MAP7D1: variants seen among roughly 807,000 people sequenced by gnomAD.
The protein encoded by MAP7D1 is MAP7 domain containing 1.
In MAP7D1, 30 loss-of-function variants were observed where a neutral mutation model predicts 97.5. The observed-to-expected ratio is 0.31, with a 90% CI of 0.23 to 0.42. The LOEUF (loss-of-function observed/expected upper bound fraction) is 0.42. Ranked by LOEUF, MAP7D1 falls within the 10% of genes least tolerant of loss-of-function variation. The pLI, the probability that MAP7D1 is intolerant of heterozygous loss-of-function variation, is 1.00. For missense variants in MAP7D1, 1,184 were observed against 1,179.5 expected, an observed-to-expected ratio of 1.00 and a Z score of -0.06; for synonymous variants, 536 against 477.1, an observed-to-expected ratio of 1.12 and a Z score of -1.61.
Position 36,172,523 on chromosome 1 carries a change from C to G in MAP7D1, c.520C>G (p.Gln174Glu). Residue 174 changes from glutamine to glutamate, a missense_variant, in exon 4 of 17, where the codon CAG (glutamine) becomes GAG (glutamate). By Grantham distance (29) the Gln-to-Glu change is conservative. Coordinates refer to ENST00000474796, the MANE Select transcript of MAP7D1 (RefSeq NM_001388490.1). ...GAAGGCCAAGGCGCTGCGGGAGAAG[C>G]AGCTCCAGGAGCGCCGGCGCCGGCT... Reference protein sequence around the residue: ...EEKAKALREKQLQERRRRLEE... With the variant: ...EEKAKALREKELQERRRRLEE... 1.2e-6 allele frequency: 2 copies of G among 1,602,488 alleles called. No homozygotes were observed. The highest frequency in any genetic ancestry group is 4.5e-5 in the East Asian group (2 of 44,542).
chr1:36,172,865 C>G (rs1489338190), intron 4 of MAP7D1, among the ~76,000 whole-genome samples: 3 of 152,356 alleles, frequency 2.0e-5, no homozygotes, highest in South Asian at 2.1e-4. Flanking sequence ...CTGTCAGTAC[C>G]TGTGTTCGTA....
At chr1:36,173,310 AAT>A (rs915626890) in intron 4 of MAP7D1, 52 bp from the exon 5 acceptor site, 23 of 1,413,670 alleles carry the variant, frequency 1.6e-5, no homozygotes, top group Non-Finnish European at 2.3e-5. Context: ...CTCTATCCCA[AAT>A]TCGATGAATG....
At position 36,172,281 on chromosome 1, in the gene MAP7D1, T is replaced by C. The variant is rs980326446; in HGVS notation, c.461-183T>C. On this transcript the variant is annotated intron_variant, in intron 3 of 16. Transcript: ENST00000474796. ...GGAGGAGAAATAGGCCTCTCCTGAGTCCTGTCTTCAGTAAGCCTCTCAATT... is the reference window on the plus strand; with the variant it reads ...GGAGGAGAAATAGGCCTCTCCTGAGCCCTGTCTTCAGTAAGCCTCTCAATT... 1.3e-5 allele frequency: 7 copies of C among 519,618 alleles called. No homozygotes were observed. In the Admixed American group the frequency reaches 2.1e-4, roughly 16 times the overall value. The allele number at this position is 519,618 out of a possible 1,614,324, so 32.2% of individuals were successfully genotyped here. A position where few individuals can be genotyped will look rare whatever the true frequency, so the allele number is the denominator to read the frequency against.
At chr1:36,158,204 GCTT>G (rs1268367578) in intron 1 of MAP7D1, among the ~76,000 whole-genome samples, 1 of 152,010 alleles carries the variant, frequency 6.6e-6, no homozygotes, top group Non-Finnish European at 1.5e-5. Context: ...CTGCATATAG[GCTT>G]CTTGCATTGA....
At chr1:36,157,407 C>T (rs1167731012) in intron 1 of MAP7D1, 1 of 152,292 alleles carries the variant, frequency 6.6e-6, no homozygotes, top group Non-Finnish European at 1.5e-5. Context: ...CTTAGACCAC[C>T]AAAGCTCCCC....
rs773431708 is a variant in MAP7D1 at position 36,179,523 on chromosome 1, C to T, written c.2193C>T (p.Asp731=). ...CTTCCTCTTCAAAGCAGAAGCAGGA[C>T]AGCAAGGAGGCCAACGCCAACGGTT... ...KSEVSETKKQ[D]SKEANANGSS... is the part of the protein sequence containing the mutation. The change falls in exon 14 of 17, where the codon GAC becomes GAT. Residue 731 remains aspartate, a synonymous_variant. Coordinates refer to ENST00000474796, the MANE Select transcript of MAP7D1 (RefSeq NM_001388490.1). The T allele has an allele frequency of 4.4e-6, 7 of 1,578,808 alleles. No homozygotes were observed. The highest frequency in any genetic ancestry group is 5.2e-6 in the Non-Finnish European group (6 of 1,161,412).
At chr1:36,167,604 C>T (rs1644488849) in intron 1 of MAP7D1, among the ~76,000 whole-genome samples, 1 of 152,210 alleles carries the variant, frequency 6.6e-6, no homozygotes, top group Non-Finnish European at 1.5e-5. Context: ...TGTGTGCCAA[C>T]AACTCCATGA....
intron 6 of MAP7D1, among the ~76,000 whole-genome samples, chr1:36,175,503 G>C (rs1442402215): frequency 6.6e-6 from 1 of 152,232 alleles, no homozygotes; most frequent in African/African-American, 2.4e-5. Flanking sequence ...GCTGGTCCCA[G>C]AGTTGAGCCA....
At chr1:36,177,383 G>A (rs898963103) in intron 8 of MAP7D1, 1 of 367,470 alleles carries the variant, frequency 2.7e-6, no homozygotes, top group Non-Finnish European at 5.3e-6. Flanking sequence ...AAGGGCCAGG[G>A]TAGTGCCTCA....
rs776587390 is a variant in MAP7D1 at position 36,176,329 on chromosome 1, C to T, written c.981C>T (p.Gly327=). The change falls in exon 7 of 17, where the codon GGC becomes GGT. Residue 327 remains glycine (G), a synonymous_variant. Transcript: ENST00000474796. The surrounding 1 kb of genome is among the most constrained non-coding windows in gnomAD (Gnocchi z 6.1). ...GCAACGGCCGGGACCAGGGTAGGGG[C>T]TGCGACCCTGGGAGAGGCCCCACGT... The part of the protein sequence containing the change: ...LPRNGRDQGR[G]CDPGRGPTWG... 2.6e-6 allele frequency: 4 copies of T among 1,536,992 alleles called. No homozygotes were observed. In the African/African-American group the frequency reaches 5.6e-5, roughly 21 times the overall value.
rs1236754819 is a variant in MAP7D1 at position 36,179,683 on chromosome 1, G to A, written c.2245G>A (p.Glu749Lys). Reference sequence around the variant, plus strand: ...TGTGACAGAGCCTGTGAAAGCTGTGGAGGCTCGGTCCCCAGGGCTGCAGAA... The same window carrying A: ...TGTGACAGAGCCTGTGAAAGCTGTGAAGGCTCGGTCCCCAGGGCTGCAGAA... ...GSSPEPVKAV[E>K]ARSPGLQKEA... The change falls in exon 15 of 17, where the codon GAG (glutamate) becomes AAG (lysine). Residue 749 changes from glutamate (E) to lysine (K), a missense_variant. By Grantham distance (56) the Glu-to-Lys change is moderately conservative. Coordinates refer to ENST00000474796, the MANE Select transcript of MAP7D1 (RefSeq NM_001388490.1). 6.6e-7 allele frequency: 1 copy of A among 1,525,262 alleles called. No individual in the cohort carries two copies. 94.5% of individuals were successfully genotyped at this position (1,525,262 alleles called of 1,614,324 possible).
chr1:36,172,227 C>T, intron 3 of MAP7D1: 1 of 370,130 alleles, frequency 2.7e-6, no homozygotes, highest in Non-Finnish European at 4.9e-6. Context: ...TTCATTTCTC[C>T]TTCAGCCCTG....
Position 36,171,560 on chromosome 1 carries a change from G to A in MAP7D1, c.439G>A (p.Glu147Lys). The A allele has an allele frequency of 6.2e-7, 1 of 1,614,204 alleles. No individual in the cohort carries two copies. The highest frequency in any genetic ancestry group is 8.5e-7 in the Non-Finnish European group (1 of 1,180,024). ...ACACAAGCTGGCAAAGGAGCGGCGA[G>A]AAGAGCGGGCCAAGTACCTGGGTGA... is the stretch of plus-strand genomic sequence containing the variant. ...ERHKLAKERR[E>K]ERAKYLAAKK... The change falls in exon 3 of 17, where the codon GAA becomes AAA. Residue 147 changes from glutamate (E) to lysine (K), a missense_variant. Physicochemically the swap from Glu to Lys is moderately conservative, Grantham distance 56. Coordinates refer to ENST00000474796, the MANE Select transcript of MAP7D1 (RefSeq NM_001388490.1).
At chr1:36,179,782 C>T in intron 15 of MAP7D1, 26 bp downstream of exon 15, 2 of 1,546,310 alleles carry the variant, frequency 1.3e-6, no homozygotes, top group Non-Finnish European at 8.7e-7. Context: ...CCCAGGGTCC[C>T]TGAGCAGGGA....
At position 36,178,741 on chromosome 1, in the gene MAP7D1, C is replaced by T. The variant is rs184412279; in HGVS notation, c.1943C>T (p.Ala648Val). ...REAEARAERE[A>V]EARRREEQEA... is the part of the protein sequence containing the mutation. ...GCCGAGGCCCGGGCGGAGCGGGAGG[C>T]GGAGGCCCGGAGGCGGGAGGAGCAG... Residue 648 changes from alanine (A) to valine (V), a missense_variant, in exon 11 of 17, where the codon GCG becomes GTG. By Grantham distance (64) the Ala-to-Val change is moderately conservative (BLOSUM62 0). Transcript: ENST00000474796. The T allele has an allele frequency of 7.6e-4, 1,170 of 1,543,184 alleles. 8 individuals carry two copies. In the African/African-American group the frequency reaches 0.015, roughly 19 times the overall value.
chr1:36,160,979 G>C (rs1163988610), intron 1 of MAP7D1, among the ~76,000 whole-genome samples: 1 of 152,260 alleles, frequency 6.6e-6, no homozygotes, highest in East Asian at 1.9e-4. Flanking sequence ...AGCCTGGGCA[G>C]CCCTGCTGGG....
chr1:36,166,552 G>A (rs1644477278), intron 1 of MAP7D1, among the ~76,000 whole-genome samples: 1 of 152,068 alleles, frequency 6.6e-6, no homozygotes. Context: ...ACCATGCCTG[G>A]CTAATTTTTT....
Position 36,176,523 on chromosome 1 carries a change from G to T in MAP7D1, c.1175G>T (p.Arg392Leu), listed in dbSNP as rs1324787795. 2 of 1,384,514 alleles carry T rather than the reference G, an allele frequency of 1.4e-6. No individual in the cohort carries two copies. Among genetic ancestry groups the T allele is most frequent in the Admixed American group, 3.5e-5 (1 of 28,516 alleles). 85.8% of individuals were successfully genotyped at this position (1,384,514 alleles called of 1,614,324 possible). A position where few individuals can be genotyped will look rare whatever the true frequency, so the allele number is the denominator to read the frequency against. Reference protein sequence around the residue: ...CAPAGERGERRKPNAGGSPAP... With the variant: ...CAPAGERGERLKPNAGGSPAP... ...CCCGCCGGTGAGCGCGGGGAGCGCC[G>T]CAAGCCCAACGCCGGGGGCAGCCCC... is the stretch of plus-strand genomic sequence containing the variant. The change falls in exon 7 of 17, where the codon CGC becomes CTC. Residue 392 changes from arginine to leucine, a missense_variant. Arg to Leu is a moderately radical substitution (Grantham distance 102). Transcript: ENST00000474796. The surrounding 1 kb of genome is among the most constrained non-coding windows in gnomAD (Gnocchi z 6.1).
chr1:36,164,106 G>A (rs969439905), intron 1 of MAP7D1, among the ~76,000 whole-genome samples: 1 of 149,956 alleles, frequency 6.7e-6, no homozygotes, highest in African/African-American at 2.5e-5. Flanking sequence ...TTACAGGCGT[G>A]AGCCACTGCG....
Sources: gnomAD v4.1 joint callset for allele counts (sites outside exome capture counted in the v4.1 genomes callset) on GRCh38, gnomAD v4.1.1 for gene constraint, Gnocchi (gnomAD v3.1) non-coding constraint, MANE v1.5 for transcripts, NCBI Gene and HGNC (gene_info 2026-07-23, HGNC 2026-07-21) for gene names.